ST6GALNAC5: variants seen among roughly 807,000 people sequenced by gnomAD.
ST6GALNAC5 encodes the protein ST6 N-acetylgalactosaminide alpha-2,6-sialyltransferase 5.
In ST6GALNAC5, 27 loss-of-function variants were observed where a neutral mutation model predicts 33.6. The observed-to-expected ratio is 0.80, with a 90% CI of 0.59 to 1.11. The LOEUF (loss-of-function observed/expected upper bound fraction) is 1.11. Ranked by LOEUF, ST6GALNAC5 falls within the 50% of genes least tolerant of loss-of-function variation. The probability of loss-of-function intolerance (pLI) is 0.00; values close to 1 mark genes in which losing one functional copy is unlikely to be tolerated. For synonymous variants in ST6GALNAC5, 194 were observed against 171.2 expected, an observed-to-expected ratio of 1.13 and a Z score of -1.04; for missense variants, 428 against 454.0, an observed-to-expected ratio of 0.94 and a Z score of 0.52.
At chr1:76,963,401 A>T (rs1387637499) in intron 2 of ST6GALNAC5, among the ~76,000 whole-genome samples, 1 of 152,176 alleles carries the variant, frequency 6.6e-6, no homozygotes, top group Admixed American at 6.5e-5. Flanking sequence ...GGCACCATGG[A>T]ATTGTGCATG....
intron 2 of ST6GALNAC5, among the ~76,000 whole-genome samples, chr1:76,913,535 C>T (rs1646936106): frequency 6.6e-6 from 1 of 152,128 alleles, no homozygotes; most frequent in South Asian, 2.1e-4. Context: ...GTTCCATTCT[C>T]CCCGTCACTT....
chr1:77,036,176 A>G lies in ST6GALNAC5; in HGVS notation c.262-8028A>G, dbSNP rs1240436968. Among the ~76,000 whole-genome samples the G allele has an allele frequency of 2.0e-5, 3 of 152,172 alleles. No homozygotes were observed. In the East Asian group the frequency reaches 5.8e-4, roughly 29 times the overall value. On this transcript the variant is annotated intron_variant, in intron 2 of 4. Coordinates refer to ENST00000477717, the MANE Select transcript of ST6GALNAC5 (RefSeq NM_030965.3). Reference sequence around the variant, plus strand: ...AGAAACAAGACACAAAAGACTATATATTTTATTGTTCCATTTATGCGAAAT... The same window carrying G: ...AGAAACAAGACACAAAAGACTATATGTTTTATTGTTCCATTTATGCGAAAT...
chr1:77,046,782 CT>C (rs1406792461), intron 3 of ST6GALNAC5, among the ~76,000 whole-genome samples: 1 of 152,128 alleles, frequency 6.6e-6, no homozygotes, highest in African/African-American at 2.4e-5. Context: ...ACACTTTTCT[CT>C]TTTTTAGTTT....
At chr1:76,919,308 T>C (rs1647008205) in intron 2 of ST6GALNAC5, among the ~76,000 whole-genome samples, 1 of 152,214 alleles carries the variant, frequency 6.6e-6, no homozygotes, top group Non-Finnish European at 1.5e-5. Flanking sequence ...TCAGCCTTGT[T>C]ACTCTCCAGA....
intron 2 of ST6GALNAC5, among the ~76,000 whole-genome samples, chr1:76,902,966 T>C (rs1225048707): frequency 6.6e-6 from 1 of 152,152 alleles, no homozygotes; most frequent in Non-Finnish European, 1.5e-5. Flanking sequence ...GGGATAAATC[T>C]GCAGGACCTC....
At chr1:76,921,483 A>G (rs1252327756) in intron 2 of ST6GALNAC5, among the ~76,000 whole-genome samples, 1 of 152,202 alleles carries the variant, frequency 6.6e-6, no homozygotes, top group Admixed American at 6.5e-5. Flanking sequence ...TAAAACAAGA[A>G]AGAAGACAGA....
intron 2 of ST6GALNAC5, among the ~76,000 whole-genome samples, chr1:76,996,041 A>G (rs912539147): frequency 3.2e-4 from 49 of 152,232 alleles, no homozygotes; most frequent in African/African-American, 1.1e-3. Context: ...TTTACAAAGA[A>G]CTTTCACAAA....
chr1:76,922,688 T>A (rs867252093), intron 2 of ST6GALNAC5, among the ~76,000 whole-genome samples: 1 of 152,024 alleles, frequency 6.6e-6, no homozygotes, highest in African/African-American at 2.4e-5. Context: ...CACAAATATA[T>A]ACAACTGATT....
intron 2 of ST6GALNAC5, among the ~76,000 whole-genome samples, chr1:76,893,010 C>T (rs1654046553): frequency 6.6e-6 from 1 of 152,074 alleles, no homozygotes; most frequent in Non-Finnish European, 1.5e-5. Context: ...TCTGTAGGCC[C>T]AAGACTGTGA....
At chr1:76,880,835 G>A (rs1653763432) in intron 2 of ST6GALNAC5, among the ~76,000 whole-genome samples, 1 of 152,202 alleles carries the variant, frequency 6.6e-6, no homozygotes, top group Non-Finnish European at 1.5e-5. Flanking sequence ...TATGGTGAAT[G>A]TGGATATAAT....
At chr1:76,968,804 G>A (rs1306930215) in intron 2 of ST6GALNAC5, among the ~76,000 whole-genome samples, 1 of 152,134 alleles carries the variant, frequency 6.6e-6, no homozygotes, top group Non-Finnish European at 1.5e-5. Flanking sequence ...AGAATTTGCT[G>A]TCTGTAAAGG....
intron 2 of ST6GALNAC5, among the ~76,000 whole-genome samples, chr1:76,972,865 T>C (rs1648819331): frequency 6.6e-6 from 1 of 152,182 alleles, no homozygotes; most frequent in Admixed American, 6.5e-5. Flanking sequence ...ACTTTGAAAC[T>C]AAGAACAATA....
chr1:77,003,736 C>A (rs988024017), intron 2 of ST6GALNAC5, among the ~76,000 whole-genome samples: 135 of 151,464 alleles, frequency 8.9e-4, no homozygotes, highest in South Asian at 2.5e-3. Context: ...GATTTTATTT[C>A]TCCTTCACTT....
chr1:76,971,704 C>T (rs958758012), intron 2 of ST6GALNAC5, among the ~76,000 whole-genome samples: 10 of 152,054 alleles, frequency 6.6e-5, no homozygotes, highest in African/African-American at 2.2e-4. Context: ...TGGGCAAAAT[C>T]ATCCAACACA....
intron 4 of ST6GALNAC5, among the ~76,000 whole-genome samples, chr1:77,056,595 G>A (rs989595083): frequency 2.6e-5 from 4 of 152,214 alleles, no homozygotes; most frequent in East Asian, 1.9e-4. Flanking sequence ...CATTAATAAA[G>A]CTGCCAGCCT....
rs1052177592 is a variant in ST6GALNAC5, at chr1:77,038,097, A to T, written c.262-6107A>T. ...CAGAGTCAAAGTCAGTGACTCAAAA[A>T]ACTATCTTCTAAACTGCTCAGTACT... On this transcript the variant is annotated intron_variant, in intron 2 of 4. Transcript: ENST00000477717. Among the ~76,000 whole-genome samples, 2 of 152,194 alleles carry T rather than the reference A, an allele frequency of 1.3e-5. 1 individual carries two copies. Among genetic ancestry groups the T allele is most frequent in the Non-Finnish European group, 2.9e-5 (2 of 68,030 alleles).
Position 77,044,432 on chromosome 1 carries a change from C to G in ST6GALNAC5, c.490C>G (p.Gln164Glu), listed in dbSNP as rs1186752995. 1 of 1,613,314 alleles carries G rather than the reference C, an allele frequency of 6.2e-7. No homozygotes were observed. Among genetic ancestry groups the G allele is most frequent in the Non-Finnish European group, 8.5e-7 (1 of 1,179,568 alleles). ...RNRHDLLNVS[Q>E]GTVFIFWGPS... ...CCGCCATGACCTGCTCAACGTGAGC[C>G]AGGGCACCGTGTTCATCTTCTGGGG... The change falls in exon 3 of 5, where the codon CAG becomes GAG. Residue 164 changes from glutamine to glutamate, a missense_variant. Coordinates refer to ENST00000477717, the MANE Select transcript of ST6GALNAC5 (RefSeq NM_030965.3).
intron 2 of ST6GALNAC5, among the ~76,000 whole-genome samples, chr1:77,013,743 G>A (rs765915949): frequency 2.6e-5 from 4 of 152,192 alleles, no homozygotes; most frequent in Non-Finnish European, 5.9e-5. Context: ...TTAAGTGAAA[G>A]GATAAACAAT....
chr1:76,989,266 A>AT (rs1182885844), intron 2 of ST6GALNAC5, among the ~76,000 whole-genome samples: 3 of 150,476 alleles, frequency 2.0e-5, no homozygotes, highest in African/African-American at 7.3e-5. Flanking sequence ...TTTTGTTTTT[A>AT]TTTCCTTAAT....
Sources: allele counts gnomAD v4.1 joint callset (sites outside exome capture counted in the v4.1 genomes callset), GRCh38; gene constraint gnomAD v4.1.1; transcripts MANE v1.5; gene names NCBI Gene and HGNC (gene_info 2026-07-23, HGNC 2026-07-21).